GOLGA3: variants seen among roughly 807,000 people sequenced by gnomAD.
The protein encoded by GOLGA3 is golgin A3, also known as golgin subfamily A member 3.
In GOLGA3, 75 loss-of-function variants were observed where a neutral mutation model predicts 169.4. That is an observed-to-expected ratio of 0.44 (90% CI 0.37 to 0.54). GOLGA3 has a LOEUF of 0.54. Ranked by LOEUF, GOLGA3 falls within the 20% of genes least tolerant of loss-of-function variation. The probability of loss-of-function intolerance (pLI) is 0.00; values close to 1 mark genes in which losing one functional copy is unlikely to be tolerated. For synonymous variants in GOLGA3, 824 were observed against 822.4 expected, an observed-to-expected ratio of 1.00 and a Z score of -0.03; for missense variants, 1,899 against 1,930.0, an observed-to-expected ratio of 0.98 and a Z score of 0.30.
In GOLGA3 at chr12:132,813,036, A is replaced by G. The variant is rs552050243; in HGVS notation, c.519+271T>C. Among the ~76,000 whole-genome samples, 125 of 152,374 alleles carry G rather than the reference A, an allele frequency of 8.2e-4. 1 individual carries two copies. The highest frequency in any genetic ancestry group is 1.4e-3 in the Non-Finnish European group (95 of 68,038). ...GCGTATACACATAACTTCTTTATGC[A>G]CTAGGAAACCAAAAACATTGTAGGA... On this transcript the variant is annotated intron_variant, in intron 4 of 23. Coordinates refer to ENST00000450791, the MANE Select transcript of GOLGA3 (RefSeq NM_001389683.1).
intron 3 of GOLGA3, among the ~76,000 whole-genome samples, chr12:132,815,232 G>T (rs1489494569): frequency 1.3e-5 from 2 of 152,180 alleles, no homozygotes; most frequent in Non-Finnish European, 2.9e-5. Flanking sequence ...ATGGCCACCA[G>T]GCAGATATTT....
At chr12:132,797,531 C>T (rs1291673441) in intron 9 of GOLGA3, among the ~76,000 whole-genome samples, 4 of 152,120 alleles carry the variant, frequency 2.6e-5, no homozygotes, top group South Asian at 2.1e-4. Flanking sequence ...GCCAACATGG[C>T]GAGACCCCGT....
intron 4 of GOLGA3, among the ~76,000 whole-genome samples, chr12:132,809,026 T>C (rs553328145): frequency 6.6e-6 from 1 of 152,262 alleles, no homozygotes; most frequent in South Asian, 2.1e-4. Context: ...CTGTTATTTA[T>C]TGGATACAAG....
chr12:132,812,866 G>C (rs185518060), intron 4 of GOLGA3, among the ~76,000 whole-genome samples: 53 of 152,372 alleles, frequency 3.5e-4, no homozygotes, highest in African/African-American at 1.1e-3. Flanking sequence ...CTTGAGGCAA[G>C]ATGCTCCAAC....
At chr12:132,803,202 G>A (rs1949219209) in intron 7 of GOLGA3, among the ~76,000 whole-genome samples, 1 of 152,194 alleles carries the variant, frequency 6.6e-6, no homozygotes, top group Non-Finnish European at 1.5e-5. Context: ...CAGCCCGGCT[G>A]AGCACCAAGG....
chr12:132,825,048 G>A (rs1950354114), intron 1 of GOLGA3, among the ~76,000 whole-genome samples: 1 of 152,188 alleles, frequency 6.6e-6, no homozygotes, highest in African/African-American at 2.4e-5. Context: ...GGTGGAATGT[G>A]GACTCGACTG....
intron 9 of GOLGA3, among the ~76,000 whole-genome samples, chr12:132,797,559 A>G (rs919837658): frequency 6.6e-6 from 1 of 152,206 alleles, no homozygotes; most frequent in African/African-American, 2.4e-5. Context: ...AAAAATACAA[A>G]AAATTAGCAG....
At position 132,777,719 on chromosome 12, in the gene GOLGA3, C is replaced by T; in HGVS notation, c.3669G>A (p.Leu1223=). The change falls in exon 19 of 24, where the codon CTG becomes CTA. Residue 1223 remains leucine, a synonymous_variant. Coordinates refer to ENST00000450791, the MANE Select transcript of GOLGA3 (RefSeq NM_001389683.1). This position sits in a 1 kb window ranked among gnomAD's most constrained non-coding sequence, Gnocchi z 4.7. ...TCTGCACCAGGTGTTCCTTGGCCTG[C>T]AGCTCCTTCTTCACCTCACTCAGCT... The part of the protein sequence containing the change: ...SLELSEVKKE[L]QAKEHLVQKL... 1.2e-6 allele frequency: 2 copies of T among 1,614,140 alleles called. No individual in the cohort carries two copies. The highest frequency in any genetic ancestry group is 1.7e-6 in the Non-Finnish European group (2 of 1,180,002).
intron 7 of GOLGA3, among the ~76,000 whole-genome samples, chr12:132,802,701 G>A (rs1270831519): frequency 6.6e-6 from 1 of 151,952 alleles, no homozygotes; most frequent in Non-Finnish European, 1.5e-5. Flanking sequence ...TAAACCAAAA[G>A]AAAAAAATGA....
intron 7 of GOLGA3, among the ~76,000 whole-genome samples, chr12:132,802,455 C>G (rs1949177749): frequency 7.4e-6 from 1 of 134,846 alleles, no homozygotes; most frequent in South Asian, 2.3e-4. Context: ...AGCGAGATCC[C>G]CCACCACCAA....
chr12:132,823,171 G>A (rs968176905), intron 1 of GOLGA3, among the ~76,000 whole-genome samples: 17 of 152,324 alleles, frequency 1.1e-4, no homozygotes, highest in African/African-American at 3.4e-4. Flanking sequence ...GGCAGGGCCC[G>A]TTCCCGTCTT....
chr12:132,788,995 C>T (rs2046078384), intron 13 of GOLGA3, 32 bp downstream of exon 13: 1 of 1,501,168 alleles, frequency 6.7e-7, no homozygotes, highest in Admixed American at 2.1e-5. Context: ...CGAATCCTCC[C>T]CATCAAATGA....
chr12:132,774,559 T>C, intron 22 of GOLGA3: 1 of 575,436 alleles, frequency 1.7e-6, no homozygotes, highest in East Asian at 3.0e-5. Context: ...ACAACCTAAG[T>C]CCTGGGTCTG....
chr12:132,781,836 T>C (rs2045621647), intron 17 of GOLGA3, among the ~76,000 whole-genome samples: 1 of 150,648 alleles, frequency 6.6e-6, no homozygotes, highest in South Asian at 2.1e-4. Context: ...GAACCTCTTG[T>C]TAAGTGCCCC....
intron 1 of GOLGA3, among the ~76,000 whole-genome samples, chr12:132,824,256 G>A (rs965374398): frequency 2.0e-5 from 3 of 152,222 alleles, no homozygotes; most frequent in Non-Finnish European, 2.9e-5. Flanking sequence ...GTGTAACCCA[G>A]TCCACTGACA....
chr12:132,786,462 C>T lies in GOLGA3; in HGVS notation c.3000G>A (p.Glu1000=), dbSNP rs761122783. Residue 1000 remains glutamate (E), a synonymous_variant, in exon 15 of 24, where the codon GAG becomes GAA. Transcript: ENST00000450791. The stretch of plus-strand genomic sequence containing the variant: ...GGCGGCTGAGGATGCCCACGGCGTT[C>T]TCGTAGGCCTTATGTTTGGTCTTCA... ...KEMKTKHKAY[E]NAVGILSRRL... is the part of the protein sequence containing the mutation. 12 of 1,613,616 alleles carry T rather than the reference C, an allele frequency of 7.4e-6. No homozygotes were observed. The Admixed American group carries it at 1.5e-4, about 20-fold the overall frequency.
rs1950241888 is a variant in GOLGA3 at position 132,821,990 on chromosome 12, A to G, written c.133+6T>C. On this transcript the variant is annotated splice_donor_region_variant and intron_variant, in intron 2 of 23. Coordinates refer to ENST00000450791, the MANE Select transcript of GOLGA3 (RefSeq NM_001389683.1). ...GACCAGCACACAGAGGAACCTCACG[A>G]CTTACACTGGACTTTGTCCTGCTGG... 6.3e-7 allele frequency: 1 copy of G among 1,595,556 alleles called. No homozygotes were observed. The highest frequency in any genetic ancestry group is 1.8e-5 in the Admixed American group (1 of 56,830).
In GOLGA3 at chr12:132,783,511, G is replaced by GGTCGCCGGGAAGCAGGA. The variant is rs1243637046; in HGVS notation, c.3267+652_3267+653insTCCTGCTTCCCGGCGAC. 2.7e-5 allele frequency among the ~76,000 whole-genome samples: 4 copies of GGTCGCCGGGAAGCAGGA among 150,706 alleles called. No individual in the cohort carries two copies. The East Asian group carries it at 7.7e-4, about 29-fold the overall frequency. Reference sequence around the variant, plus strand: ...TCCACAGGGAGGGGCTGGGGAGTGGGGGGCGCCGGGACACTGAGCTGCCAC... The same window carrying GGTCGCCGGGAAGCAGGA: ...TCCACAGGGAGGGGCTGGGGAGTGGGGTCGCCGGGAAGCAGGAGGGCGCCGGGACACTGAGCTGCCAC... On this transcript the variant is annotated intron_variant, in intron 16 of 23. Coordinates refer to ENST00000450791, the MANE Select transcript of GOLGA3 (RefSeq NM_001389683.1).
intron 15 of GOLGA3, among the ~76,000 whole-genome samples, chr12:132,784,524 A>G (rs1240215188): frequency 6.6e-6 from 1 of 152,202 alleles, no homozygotes; most frequent in Admixed American, 6.5e-5. Flanking sequence ...AAACAAAATC[A>G]TCTCTTCAGT....
Sources: gnomAD v4.1 joint callset for allele counts (sites outside exome capture counted in the v4.1 genomes callset) on GRCh38, gnomAD v4.1.1 for gene constraint, Gnocchi (gnomAD v3.1) non-coding constraint, MANE v1.5 for transcripts, NCBI Gene and HGNC (gene_info 2026-07-23, HGNC 2026-07-21) for gene names.